ZNF141: variants seen among roughly 807,000 people sequenced by gnomAD.
ZNF141 encodes the protein zinc finger protein 141 (clone pHZ-44).
A neutral mutation model predicts 11.3 loss-of-function variants in ZNF141; 7 were observed. The observed-to-expected ratio is 0.62, with a 90% CI of 0.35 to 1.16. The LOEUF is 1.16. Among genes scored for constraint, ZNF141 ranks in the 50% most tolerant of loss-of-function variants. The pLI is 0.02. For missense variants in ZNF141, 535 were observed against 554.0 expected, an observed-to-expected ratio of 0.97 and a Z score of 0.34; for synonymous variants, 183 against 190.7, an observed-to-expected ratio of 0.96 and a Z score of 0.33.
rs1394349198 is a variant in ZNF141, at chr4:347,540, T to A, written c.226+3110T>A. Among the ~76,000 whole-genome samples the A allele has an allele frequency of 2.0e-5, 3 of 151,382 alleles. No homozygotes were observed. The East Asian group carries it at 5.9e-4, about 30-fold the overall frequency. The stretch of plus-strand genomic sequence containing the variant: ...ATTTTTAGTAGAGACAGGGTTTCGC[T>A]GTGTTAGCCAGGATGGTCTTGGTCT... On this transcript the variant is annotated intron_variant, in intron 3 of 3. Transcript: ENST00000240499.
rs180833104 is a variant in ZNF141, at chr4:352,112, G to C, written c.226+7682G>C. Among the ~76,000 whole-genome samples, 18 of 152,300 alleles carry C rather than the reference G, an allele frequency of 1.2e-4. No individual in the cohort carries two copies. The East Asian group carries it at 3.5e-3, about 29-fold the overall frequency. ...ATTAGAAACAAGGTAGGAGGGCCAGGCATGGTGGCTCACGCCTGTAATCCC... is the reference window on the plus strand; with the variant it reads ...ATTAGAAACAAGGTAGGAGGGCCAGCCATGGTGGCTCACGCCTGTAATCCC... On this transcript the variant is annotated intron_variant, in intron 3 of 3. Coordinates refer to ENST00000240499, the MANE Select transcript of ZNF141 (RefSeq NM_003441.4).
rs1035022472 is a variant in ZNF141, at chr4:374,517, A to G, written c.*655A>G. On this transcript the variant is annotated 3_prime_UTR_variant, in exon 4 of 4. Transcript: ENST00000240499. Reference sequence around the variant, plus strand: ...CTCAACCCTTACTGTGCACAAGATAATTCATTCTGGGGAAAAAAATGCTAC... The same window carrying G: ...CTCAACCCTTACTGTGCACAAGATAGTTCATTCTGGGGAAAAAAATGCTAC... 3 of 190,486 alleles carry G rather than the reference A, an allele frequency of 1.6e-5. No individual in the cohort carries two copies. Among genetic ancestry groups the G allele is most frequent in the Non-Finnish European group, 3.5e-5 (3 of 86,566 alleles). The allele number at this position is 190,486 out of a possible 1,614,324, so 11.8% of individuals were successfully genotyped here.
At chr4:368,342 A>G (rs1471559126) in intron 3 of ZNF141, among the ~76,000 whole-genome samples, 2 of 152,104 alleles carry the variant, frequency 1.3e-5, no homozygotes, top group Non-Finnish European at 2.9e-5. Flanking sequence ...CCCAGGTTCA[A>G]GCAATTCTTG....
At chr4:350,385 T>G (rs1209759526) in intron 3 of ZNF141, 9 of 342,996 alleles carry the variant, frequency 2.6e-5, no homozygotes, top group African/African-American at 1.3e-4. Flanking sequence ...TGTCACTTTG[T>G]TAGCGTCTTA....
intron 3 of ZNF141, among the ~76,000 whole-genome samples, chr4:371,564 G>C (rs973873925): frequency 6.8e-6 from 1 of 146,682 alleles, no homozygotes; most frequent in African/African-American, 2.6e-5. Context: ...GTGTGTGTCA[G>C]AGTCTCGCTG....
chr4:365,767 G>A lies in ZNF141; in HGVS notation c.227-6897G>A, dbSNP rs76026253. Among the ~76,000 whole-genome samples, 1,194 of 152,238 alleles carry A rather than the reference G, an allele frequency of 7.8e-3. 17 individuals carry two copies. The highest frequency in any genetic ancestry group is 0.027 in the African/African-American group (1,137 of 41,542). On this transcript the variant is annotated intron_variant, in intron 3 of 3. Coordinates refer to ENST00000240499, the MANE Select transcript of ZNF141 (RefSeq NM_003441.4). Reference sequence around the variant, plus strand: ...TATGTTTATCCAAATAGCTTTATAGGTTTGGGTTTCACATTTAAATCTTTA... The same window carrying A: ...TATGTTTATCCAAATAGCTTTATAGATTTGGGTTTCACATTTAAATCTTTA...
In ZNF141 at chr4:375,023, A is replaced by G. The variant is rs1170086342; in HGVS notation, c.*1161A>G. The G allele has an allele frequency of 1.3e-5, 2 of 152,190 alleles. No individual in the cohort carries two copies. Among genetic ancestry groups the G allele is most frequent in the African/African-American group, 2.4e-5 (1 of 41,464 alleles). The allele number at this position is 152,190 out of a possible 1,614,324, so 9.4% of individuals were successfully genotyped here. A position where few individuals can be genotyped will look rare whatever the true frequency, so the allele number is the denominator to read the frequency against. ...TTCCTACTGAAGAAATCCCCTGGAA[A>G]TGCAAAAAATGTGGCAGGATTTTTA... On this transcript the variant is annotated 3_prime_UTR_variant, in exon 4 of 4. Transcript: ENST00000240499.
rs570585248 is a variant in ZNF141, at chr4:346,642, C to G, written c.226+2212C>G. 1.1e-4 allele frequency among the ~76,000 whole-genome samples: 16 copies of G among 152,292 alleles called. No individual in the cohort carries two copies. The South Asian group carries it at 3.3e-3, about 32-fold the overall frequency. ...ACATCTCATATTCCCACCCTAGGCACTAACAACTACCATTCTGCTCTCTGC... is the reference window on the plus strand; with the variant it reads ...ACATCTCATATTCCCACCCTAGGCAGTAACAACTACCATTCTGCTCTCTGC... On this transcript the variant is annotated intron_variant, in intron 3 of 3. Transcript: ENST00000240499.
chr4:356,946 G>C (rs1398391967), intron 3 of ZNF141, among the ~76,000 whole-genome samples: 1 of 149,166 alleles, frequency 6.7e-6, no homozygotes, highest in Non-Finnish European at 1.5e-5. Flanking sequence ...TTAAAATTTT[G>C]CCTTCAATTT....
At chr4:367,754 A>T (rs1054284818) in intron 3 of ZNF141, among the ~76,000 whole-genome samples, 1 of 151,966 alleles carries the variant, frequency 6.6e-6, no homozygotes, top group Non-Finnish European at 1.5e-5. Flanking sequence ...TGACCTCATG[A>T]TCTGTCCGCC....
rs782433169 is a variant in ZNF141, at chr4:373,868, A to T, written c.*6A>T. 1 of 1,592,392 alleles carries T rather than the reference A, an allele frequency of 6.3e-7. No homozygotes were observed. Among genetic ancestry groups the T allele is most frequent in the Non-Finnish European group, 8.6e-7 (1 of 1,167,948 alleles). On this transcript the variant is annotated 3_prime_UTR_variant, in exon 4 of 4. Transcript: ENST00000240499. ...ATAAGAAAATTCATACTTGAGAGAAATCCTACAAATGTAAAGAATGTGGCA... is the reference window on the plus strand; with the variant it reads ...ATAAGAAAATTCATACTTGAGAGAATTCCTACAAATGTAAAGAATGTGGCA...
chr4:339,405 G>T (rs1409317383), intron 1 of ZNF141, among the ~76,000 whole-genome samples: 4 of 152,186 alleles, frequency 2.6e-5, no homozygotes, highest in African/African-American at 9.7e-5. Context: ...CAAGGCTCTT[G>T]ATAGCACCTT....
chr4:340,551 A>G (rs888890257), intron 1 of ZNF141, among the ~76,000 whole-genome samples: 1 of 152,192 alleles, frequency 6.6e-6, no homozygotes, highest in Non-Finnish European at 1.5e-5. Flanking sequence ...AATGCCCACA[A>G]ATGTGCTTAC....
intron 3 of ZNF141, chr4:350,206 CTA>C (rs1553850222): frequency 1.9e-6 from 1 of 534,758 alleles, no homozygotes. Flanking sequence ...GTAGCCATGT[CTA>C]TGGGCTCTTG....
chr4:346,463 G>T (rs1183165348), intron 3 of ZNF141, among the ~76,000 whole-genome samples: 1 of 152,136 alleles, frequency 6.6e-6, no homozygotes, highest in Non-Finnish European at 1.5e-5. Flanking sequence ...TTGTTTGGTA[G>T]TAAGAACACT....
At chr4:339,071 C>G (rs1720928454) in intron 1 of ZNF141, among the ~76,000 whole-genome samples, 1 of 152,222 alleles carries the variant, frequency 6.6e-6, no homozygotes, top group Admixed American at 6.5e-5. Flanking sequence ...CCAATGCTAA[C>G]CCACTCCTGA....
chr4:350,214 T>C (rs782607206), intron 3 of ZNF141: 1 of 534,732 alleles, frequency 1.9e-6, no homozygotes, highest in South Asian at 1.4e-5. Flanking sequence ...GTCTATGGGC[T>C]CTTGAGTTGG....
chr4:343,009 AAAGTT>A, intron 1 of ZNF141: 1 of 728,766 alleles, frequency 1.4e-6, no homozygotes, highest in African/African-American at 4.1e-5. Flanking sequence ...AAGTATTAAA[AAAGTT>A]CCTTGCATGA....
chr4:337,989 G>T lies in ZNF141; in HGVS notation c.3+3G>T. The T allele has an allele frequency of 6.2e-7, 1 of 1,613,474 alleles. No individual in the cohort carries two copies. The highest frequency in any genetic ancestry group is 8.5e-7 in the Non-Finnish European group (1 of 1,179,574). The stretch of plus-strand genomic sequence containing the variant: ...AATACTTCAGAAGTGGGGAAATGGT[G>T]AGTGTGCGGGGCAGGGCGTCCCAAG... On this transcript the variant is annotated splice_donor_region_variant and intron_variant, in intron 1 of 3. Transcript: ENST00000240499.
Sources: allele counts gnomAD v4.1 joint callset (sites outside exome capture counted in the v4.1 genomes callset), GRCh38; gene constraint gnomAD v4.1.1; transcripts MANE v1.5; gene names NCBI Gene and HGNC (gene_info 2026-07-23, HGNC 2026-07-21).